Variants in METTL16 observed in about 807,000 individuals in gnomAD.
METTL16 encodes the protein RNA N(6)-adenosine-methyltransferase METTL16.
In METTL16, 19 loss-of-function variants were observed where a neutral mutation model predicts 57.9. That is an observed-to-expected ratio of 0.33 (90% CI 0.23 to 0.48). The LOEUF (loss-of-function observed/expected upper bound fraction) is 0.48, where lower values mean the gene tolerates loss of function less well. Among genes scored for constraint, METTL16 ranks in the 20% least tolerant of loss-of-function variants. The pLI, the probability that METTL16 is intolerant of heterozygous loss-of-function variation, is 0.99. For missense variants in METTL16, 434 were observed against 691.5 expected (o/e 0.63, Z 4.18); for synonymous variants, 246 against 255.6 (o/e 0.96, Z 0.36).
At chr17:2,424,102 A>T (rs1567879797) in intron 8 of METTL16, 1 of 74,028 alleles carries the variant, frequency 1.4e-5, no homozygotes, top group African/African-American at 4.8e-5. Flanking sequence ...ATTTTATTTT[A>T]TTTTATTTTA....
chr17:2,480,960 T>C (rs1356691716), intron 2 of METTL16, among the ~76,000 whole-genome samples: 2 of 152,190 alleles, frequency 1.3e-5, no homozygotes, highest in Non-Finnish European at 2.9e-5. Context: ...CCCAACACTT[T>C]GGGAGGCCAA....
intron 6 of METTL16, among the ~76,000 whole-genome samples, chr17:2,451,011 A>G (rs2067064887): frequency 6.6e-6 from 1 of 152,224 alleles, no homozygotes; most frequent in Non-Finnish European, 1.5e-5. Context: ...AAACTATTGA[A>G]GACTGGCAAT....
At chr17:2,490,207 A>G (rs889204355) in intron 2 of METTL16, among the ~76,000 whole-genome samples, 4 of 152,160 alleles carry the variant, frequency 2.6e-5, no homozygotes, top group Admixed American at 6.5e-5. Context: ...ACATTTCTGT[A>G]TTATCTAAAC....
intron 5 of METTL16, among the ~76,000 whole-genome samples, chr17:2,467,161 G>A (rs2067204988): frequency 6.6e-6 from 1 of 152,044 alleles, no homozygotes; most frequent in Non-Finnish European, 1.5e-5. Flanking sequence ...CACAGGTGTA[G>A]GACCTGTGGA....
chr17:2,465,546 CAAAAAAAAAAAA>C (rs547864019), intron 5 of METTL16, among the ~76,000 whole-genome samples: 1 of 24,496 alleles, frequency 4.1e-5, no homozygotes, highest in African/African-American at 1.6e-4. Flanking sequence ...GACTCCATCT[CAAAAAAAAAAAA>C]AAAAAAAAAA....
chr17:2,471,042 T>C (rs553219305), intron 4 of METTL16, among the ~76,000 whole-genome samples: 6 of 152,294 alleles, frequency 3.9e-5, no homozygotes, highest in East Asian at 1.9e-4. Context: ...ATAGATATAG[T>C]CTTTTCAAGA....
chr17:2,505,170 A>ATC (rs1161035023), intron 1 of METTL16, among the ~76,000 whole-genome samples: 20 of 151,754 alleles, frequency 1.3e-4, no homozygotes, highest in Non-Finnish European at 2.2e-4. Flanking sequence ...ATATATATAT[A>ATC]TATCTCTCTC....
At position 2,428,527 on chromosome 17, in the gene METTL16, C is replaced by CA. The variant is rs533793602; in HGVS notation, c.889-7624dup. The stretch of plus-strand genomic sequence containing the variant: ...CAGGCGACAGAGCGAGACTCCGTCT[C>CA]AAAAAAAAAAAAAAAAAAAAAAAAA... On this transcript the variant is annotated intron_variant, in intron 8 of 9. Coordinates refer to ENST00000263092, the MANE Select transcript of METTL16 (RefSeq NM_024086.4). Among the ~76,000 whole-genome samples, 2 of 21,074 alleles carry CA rather than the reference C, an allele frequency of 9.5e-5. 1 individual carries two copies. The highest frequency in any genetic ancestry group is 1.7e-4 in the Non-Finnish European group (2 of 12,042). 13.8% of individuals were successfully genotyped at this position (21,074 alleles called of 152,430 possible). A position where few individuals can be genotyped will look rare whatever the true frequency, so the allele number is the denominator to read the frequency against.
chr17:2,441,933 T>A (rs778696918), intron 6 of METTL16, among the ~76,000 whole-genome samples: 58 of 152,260 alleles, frequency 3.8e-4, no homozygotes, highest in Non-Finnish European at 6.9e-4. Context: ...CTAAGAGAAC[T>A]CAAGATTAGA....
intron 2 of METTL16, among the ~76,000 whole-genome samples, chr17:2,492,087 T>C (rs1055921584): frequency 1.7e-4 from 26 of 150,896 alleles, no homozygotes; most frequent in Non-Finnish European, 2.5e-4. Flanking sequence ...GGCGGGTGCC[T>C]GTAGTCCCAG....
intron 2 of METTL16, among the ~76,000 whole-genome samples, chr17:2,490,658 C>T (rs1545273): frequency 0.8 from 121,569 of 151,800 alleles, 48,824 homozygotes; most frequent in Non-Finnish European, 0.82. Flanking sequence ...AAAACAGGTC[C>T]TTGGTTCTAG....
chr17:2,504,058 T>A (rs1432621107), intron 1 of METTL16, among the ~76,000 whole-genome samples: 5 of 152,202 alleles, frequency 3.3e-5, no homozygotes, highest in Non-Finnish European at 5.9e-5. Context: ...GAAATTCTGA[T>A]ACATGCTACA....
At chr17:2,464,850 T>A (rs1402492713) in intron 5 of METTL16, among the ~76,000 whole-genome samples, 1 of 150,538 alleles carries the variant, frequency 6.6e-6, no homozygotes, top group African/African-American at 2.5e-5. Context: ...GAAAATTAAT[T>A]TTCATGAGCT....
chr17:2,500,775 TCATAATTTTGCCATTTC>T (rs1174248382), intron 2 of METTL16, among the ~76,000 whole-genome samples: 1 of 152,116 alleles, frequency 6.6e-6, no homozygotes, highest in Non-Finnish European at 1.5e-5. Flanking sequence ...CATATAGTTA[TCATAATTTTGCCATTTC>T]CTGAAACACT....
At chr17:2,483,829 G>A (rs779295174) in intron 2 of METTL16, among the ~76,000 whole-genome samples, 1 of 152,170 alleles carries the variant, frequency 6.6e-6, no homozygotes, top group Non-Finnish European at 1.5e-5. Context: ...TGAGAAAAAT[G>A]GGCCAATTCC....
In METTL16 at chr17:2,464,318, C is replaced by T. The variant is rs369054320; in HGVS notation, c.618G>A (p.Pro206=). The change falls in exon 6 of 10, where the codon CCG becomes CCA. Residue 206 remains proline, a synonymous_variant. Transcript: ENST00000263092. The part of the protein sequence containing the change: ...GVNSRNPRRP[P]PSSVNTGGIT... ...TGCCTCCTGTATTAACAGAACTAGGCGGAGGTCTTCGAGGATTTCGTGAGT... is the reference window on the plus strand; with the variant it reads ...TGCCTCCTGTATTAACAGAACTAGGTGGAGGTCTTCGAGGATTTCGTGAGT... 1.6e-4 allele frequency: 261 copies of T among 1,608,350 alleles called. No individual in the cohort carries two copies. Among genetic ancestry groups the T allele is most frequent in the Non-Finnish European group, 2.0e-4 (236 of 1,178,640 alleles).
At chr17:2,427,250 A>C (rs1309037667) in intron 8 of METTL16, among the ~76,000 whole-genome samples, 2 of 152,260 alleles carry the variant, frequency 1.3e-5, no homozygotes, top group African/African-American at 2.4e-5. Flanking sequence ...GAAAGAAGTC[A>C]GACTTCTGAC....
intron 6 of METTL16, among the ~76,000 whole-genome samples, chr17:2,444,993 G>A (rs894392320): frequency 7.2e-5 from 11 of 152,032 alleles, no homozygotes; most frequent in African/African-American, 2.7e-4. Context: ...TGGAATTAGA[G>A]GTGCATGCCA....
intron 6 of METTL16, among the ~76,000 whole-genome samples, chr17:2,463,454 TATTTTTATTTTC>T (rs1381491866): frequency 6.6e-6 from 1 of 152,144 alleles, no homozygotes; most frequent in Non-Finnish European, 1.5e-5. Context: ...TTGCAATCTT[TATTTTTATTTTC>T]ATTTTTATTT....
Sources: allele counts gnomAD v4.1 joint callset (sites outside exome capture counted in the v4.1 genomes callset), GRCh38; gene constraint gnomAD v4.1.1; transcripts MANE v1.5; gene names NCBI Gene and HGNC (gene_info 2026-07-23, HGNC 2026-07-21).